SH3BP1: variants seen among roughly 807,000 people sequenced by gnomAD.
SH3BP1 encodes the protein SH3 domain binding protein 1, also known as SH3 domain-binding protein 1.
Under a neutral mutation model 69.8 loss-of-function variants are expected in SH3BP1, and 46 were observed. The observed-to-expected ratio is 0.66, with a 90% confidence interval of 0.52 to 0.84. The LOEUF (loss-of-function observed/expected upper bound fraction) is 0.84, where lower values mean the gene tolerates loss of function less well. SH3BP1 is among the 40% of genes least tolerant of loss of function. The probability of loss-of-function intolerance (pLI) is 0.00; values close to 1 mark genes in which losing one functional copy is unlikely to be tolerated. For missense variants in SH3BP1, 868 were observed against 930.9 expected (o/e 0.93, Z 0.88); for synonymous variants, 403 against 378.0 (o/e 1.07, Z -0.77).
At position 37,647,436 on chromosome 22, in the gene SH3BP1, C is replaced by A. The variant is rs200168052; in HGVS notation, c.1119-5C>A. 223 of 1,612,602 alleles carry A rather than the reference C, an allele frequency of 1.4e-4. No homozygotes were observed. Among genetic ancestry groups the A allele is most frequent in the African/African-American group, 1.1e-3 (86 of 74,972 alleles). On this transcript the variant is annotated splice_polypyrimidine_tract_variant and splice_region_variant and intron_variant, in intron 12 of 17. Coordinates refer to ENST00000649765, the MANE Select transcript of SH3BP1 (RefSeq NM_018957.6). ...TGGCTGACAGGTCTCTCCACTCCCC[C>A]CCAGCCTGAAGGAGCCAGGGGCCCG...
At chr22:37,654,174 G>T (rs562609359) in intron 17 of SH3BP1, among the ~76,000 whole-genome samples, 1 of 152,158 alleles carries the variant, frequency 6.6e-6, no homozygotes. Context: ...CACACAGCAC[G>T]TGCCCACTAA....
At chr22:37,647,047 CG>C in intron 11 of SH3BP1, 118 bp downstream of exon 11, 2 of 778,806 alleles carry the variant, frequency 2.6e-6, no homozygotes, top group South Asian at 3.6e-5. Context: ...TGAGGACACT[CG>C]GGTTCTTAAT....
rs138474798 is a variant in SH3BP1 at position 37,642,598 on chromosome 22, C to T, written c.267C>T (p.Asp89=). The change falls in exon 4 of 18, where the codon GAC becomes GAT. Residue 89 remains aspartate, a synonymous_variant. Transcript: ENST00000649765. ...TGGCTGAGAGCTTCAAGGAGCTGGACCCTGATTCCAGCATGGGGTGAGCAC... is the reference window on the plus strand; with the variant it reads ...TGGCTGAGAGCTTCAAGGAGCTGGATCCTGATTCCAGCATGGGGTGAGCAC... The part of the protein sequence containing the change: ...TTMAESFKEL[D]PDSSMGKALE... The T allele has an allele frequency of 1.9e-3, 3,115 of 1,613,370 alleles. 11 individuals are homozygous for T. The highest frequency in any genetic ancestry group is 0.01 in the Middle Eastern group (61 of 6,062).
chr22:37,650,626 C>A lies in SH3BP1; in HGVS notation c.1499C>A (p.Pro500Gln). 1 of 1,614,012 alleles carries A rather than the reference C, an allele frequency of 6.2e-7. No individual in the cohort carries two copies. The highest frequency in any genetic ancestry group is 8.5e-7 in the Non-Finnish European group (1 of 1,180,038). ...VSDRLASEEL[P>Q]STAVPTPATT... ...GACAGGCTGGCCTCTGAGGAACTTC[C>A]GTCCACTGCCGTGCCCACCCCAGCC... Residue 500 changes from proline to glutamine, a missense_variant, in exon 16 of 18, where the codon CCG becomes CAG. Around this residue, in one of 3 missense-constraint regions of SH3BP1, gnomAD observed 474 missense variants for 462.3 expected, o/e 1.03. Coordinates refer to ENST00000649765, the MANE Select transcript of SH3BP1 (RefSeq NM_018957.6).
At chr22:37,645,960 C>CT (rs11329854) in intron 10 of SH3BP1, among the ~76,000 whole-genome samples, 2,104 of 126,234 alleles carry the variant, frequency 0.017, 77 homozygotes, top group African/African-American at 0.052. Context: ...CTCCCTTACA[C>CT]TTTTTTTTTT....
intron 10 of SH3BP1, among the ~76,000 whole-genome samples, chr22:37,646,026 G>C (rs1052668750): frequency 6.7e-6 from 1 of 149,518 alleles, no homozygotes; most frequent in Admixed American, 6.6e-5. Flanking sequence ...GAGTGCAGTG[G>C]CGTGATCTCG....
chr22:37,644,724 C>G lies in SH3BP1; in HGVS notation c.687+19C>G, dbSNP rs1474925479. 1 of 1,614,046 alleles carries G rather than the reference C, an allele frequency of 6.2e-7. No homozygotes were observed. The highest frequency in any genetic ancestry group is 8.5e-7 in the Non-Finnish European group (1 of 1,179,880). Reference sequence around the variant, plus strand: ...CATTCGTGTGAGTCCAAGACCGGGCCCCAGCCATCCAGAGTTCAGGGGCTG... The same window carrying G: ...CATTCGTGTGAGTCCAAGACCGGGCGCCAGCCATCCAGAGTTCAGGGGCTG... On this transcript the variant is annotated intron_variant, in intron 8 of 17. Coordinates refer to ENST00000649765, the MANE Select transcript of SH3BP1 (RefSeq NM_018957.6).
At position 37,650,217 on chromosome 22, in the gene SH3BP1, T is replaced by C. The variant is rs1397799582; in HGVS notation, c.1382T>C (p.Leu461Pro). The C allele has an allele frequency of 6.2e-7, 1 of 1,613,306 alleles. No individual in the cohort carries two copies. Among genetic ancestry groups the C allele is most frequent in the Non-Finnish European group, 8.5e-7 (1 of 1,179,658 alleles). ...CAGGTGGTGGGCGTCGTCGAGGCGC[T>C]GATCCAGAGCGCAGACACCCTCTTC... ...SIQVVGVVEA[L>P]IQSADTLFPG... The change falls in exon 15 of 18, where the codon CTG becomes CCG. Residue 461 changes from leucine to proline, a missense_variant. This residue lies in a region of SH3BP1 where 474 missense variants were observed against 462.3 expected (regional missense o/e 1.03). Transcript: ENST00000649765.
chr22:37,649,960 G>A (rs1246752741), intron 14 of SH3BP1, 192 bp from the exon 15 acceptor site: 1 of 709,814 alleles, frequency 1.4e-6, no homozygotes, highest in Admixed American at 2.0e-5. Flanking sequence ...AATTAGTGAT[G>A]TCTGTCAGGG....
chr22:37,645,355 A>C lies in SH3BP1; in HGVS notation c.779-10A>C. On this transcript the variant is annotated splice_polypyrimidine_tract_variant and intron_variant, in intron 9 of 17. Coordinates refer to ENST00000649765, the MANE Select transcript of SH3BP1 (RefSeq NM_018957.6). ...AGGCCCTGGGCCGCTGATCTGTTTC[A>C]TCCCTGCAGACCACTCCCCTTCGAT... is the stretch of plus-strand genomic sequence containing the variant. The C allele has an allele frequency of 6.3e-7, 1 of 1,598,914 alleles. No individual in the cohort carries two copies. The highest frequency in any genetic ancestry group is 1.1e-5 in the South Asian group (1 of 90,470).
intron 8 of SH3BP1, 38 bp from the exon 9 acceptor site, chr22:37,644,832 C>G: frequency 1.9e-6 from 3 of 1,610,338 alleles, no homozygotes; most frequent in African/African-American, 1.3e-5. Flanking sequence ...GGCTCAGCTT[C>G]CCCCACTTCC....
chr22:37,643,357 C>T lies in SH3BP1; in HGVS notation c.473+183C>T, dbSNP rs575948348. On this transcript the variant is annotated intron_variant, in intron 6 of 17. Coordinates refer to ENST00000649765, the MANE Select transcript of SH3BP1 (RefSeq NM_018957.6). The stretch of plus-strand genomic sequence containing the variant: ...TAGCGTATCTGTGAGGGTGTGCCCG[C>T]GTGTGTCACAGCTGGTGCTGGGGCA... The T allele has an allele frequency of 1.1e-4, 76 of 669,686 alleles. No homozygotes were observed. In the East Asian group the frequency reaches 1.5e-3, roughly 13 times the overall value. 41.5% of individuals were successfully genotyped at this position (669,686 alleles called of 1,614,324 possible).
At position 37,655,502 on chromosome 22, in the gene SH3BP1, C is replaced by T. The variant is rs752641482; in HGVS notation, c.1924C>T (p.Pro642Ser). ...CCAAAGCCGGCGTTCACCAGCCTCCCCCAGCCCGGCCTCCCCAGGTCCAGC... is the reference window on the plus strand; with the variant it reads ...CCAAAGCCGGCGTTCACCAGCCTCCTCCAGCCCGGCCTCCCCAGGTCCAGC... ...RRQSRRSPAS[P>S]SPASPGPASP... The change falls in exon 18 of 18, where the codon CCC becomes TCC. Residue 642 changes from proline to serine, a missense_variant. Pro to Ser is a moderately conservative substitution (Grantham distance 74). Transcript: ENST00000649765. 5 of 1,565,560 alleles carry T rather than the reference C, an allele frequency of 3.2e-6. No homozygotes were observed. Among genetic ancestry groups the T allele is most frequent in the Non-Finnish European group, 4.3e-6 (5 of 1,156,180 alleles).
At chr22:37,645,796 G>A (rs1406861650) in intron 10 of SH3BP1, among the ~76,000 whole-genome samples, 1 of 152,044 alleles carries the variant, frequency 6.6e-6, no homozygotes, top group African/African-American at 2.4e-5. Context: ...ATTTGAGAAG[G>A]TGACTTCTCA....
intron 10 of SH3BP1, 56 bp downstream of exon 10, chr22:37,645,566 A>T: frequency 6.4e-7 from 1 of 1,551,792 alleles, no homozygotes; most frequent in Non-Finnish European, 8.8e-7. Context: ...TTCTGTCCCA[A>T]ACCGCCCACT....
intron 14 of SH3BP1, 51 bp downstream of exon 14, chr22:37,648,486 C>G (rs910655528): frequency 8.8e-6 from 11 of 1,249,890 alleles, no homozygotes; most frequent in East Asian, 2.5e-5. Context: ...AGATCCCATC[C>G]CAACTATCTG....
At chr22:37,646,255 G>A (rs868298174) in intron 10 of SH3BP1, among the ~76,000 whole-genome samples, 108 of 132,228 alleles carry the variant, frequency 8.2e-4, no homozygotes, top group African/African-American at 2.9e-3. Flanking sequence ...GAGCCACTGC[G>A]CCCGACCCTT....
At chr22:37,645,008 C>A in intron 9 of SH3BP1, 48 bp downstream of exon 9, 1 of 1,539,420 alleles carries the variant, frequency 6.5e-7, no homozygotes, top group Non-Finnish European at 8.9e-7. Context: ...CTGCCCTGCT[C>A]GGGGCTTATT....
chr22:37,650,092 GC>G (rs1393706621), intron 14 of SH3BP1, 59 bp from the exon 15 acceptor site: 1 of 1,582,118 alleles, frequency 6.3e-7, no homozygotes, highest in Non-Finnish European at 8.7e-7. Context: ...CCAGCACAGA[GC>G]CAGCCAGAGA....
Sources: allele counts gnomAD v4.1 joint callset (sites outside exome capture counted in the v4.1 genomes callset), GRCh38; gene constraint gnomAD v4.1.1; regional missense constraint gnomAD v4.1.1; transcripts MANE v1.5; gene names NCBI Gene and HGNC (gene_info 2026-07-23, HGNC 2026-07-21).